DOCK10: variants seen among roughly 807,000 people sequenced by gnomAD.
DOCK10 encodes dedicator of cytokinesis protein 10.
DOCK10 carries 145 observed loss-of-function variants against 280.1 expected under a neutral mutation model. The observed-to-expected ratio is 0.52, with a 90% CI of 0.45 to 0.59. The LOEUF is 0.59. Ranked by LOEUF, DOCK10 falls within the 20% of genes least tolerant of loss-of-function variation. The pLI is 0.00. For missense variants in DOCK10, 2,368 were observed against 2,651.7 expected (o/e 0.89, Z 2.35); for synonymous variants, 915 against 942.2 (o/e 0.97, Z 0.53).
In DOCK10 at chr2:224,800,206, G is replaced by A. The variant is rs748078043; in HGVS notation, c.4451C>T (p.Thr1484Met). 2.7e-5 allele frequency: 43 copies of A among 1,612,194 alleles called. No homozygotes were observed. The highest frequency in any genetic ancestry group is 8.0e-5 in the African/African-American group (6 of 74,868). Residue 1484 changes from threonine to methionine, a missense_variant, in exon 41 of 56, where the codon ACG (threonine) becomes ATG (methionine). By Grantham distance (81) the Thr-to-Met change is moderately conservative. Coordinates refer to ENST00000258390, the MANE Select transcript of DOCK10 (RefSeq NM_014689.3). ...GTCCAGAATAGTGAGGCAAACCTCC[G>A]TAGCTATATTGGCCTCAGTGTCTAC... ...HHVDTEANIA[T>M]EVCLTILDLL... is the part of the protein sequence containing the mutation.
At chr2:224,992,712 G>T (rs1365628707) in intron 1 of DOCK10, among the ~76,000 whole-genome samples, 1 of 152,224 alleles carries the variant, frequency 6.6e-6, no homozygotes, top group Non-Finnish European at 1.5e-5. Flanking sequence ...GTGTGAAGAG[G>T]TGGGGAAAGC....
chr2:224,981,236 G>A (rs56726760), intron 1 of DOCK10, among the ~76,000 whole-genome samples: 6,771 of 152,068 alleles, frequency 0.045, 493 homozygotes, highest in African/African-American at 0.15. Flanking sequence ...ATTGCTTTTT[G>A]AAAATAAAAT....
At chr2:225,033,246 G>C (rs1690132718) in intron 1 of DOCK10, among the ~76,000 whole-genome samples, 1 of 151,706 alleles carries the variant, frequency 6.6e-6, no homozygotes, top group African/African-American at 2.4e-5. Flanking sequence ...GCAGTGGCAT[G>C]ATCTCAGCTC....
chr2:224,943,965 G>A (rs767641912), intron 1 of DOCK10, among the ~76,000 whole-genome samples: 12 of 152,014 alleles, frequency 7.9e-5, no homozygotes, highest in African/African-American at 2.7e-4. Context: ...GGGTTTCACC[G>A]TGTTAGTCAG....
At chr2:224,810,488 T>TTTA (rs982509392) in intron 31 of DOCK10, among the ~76,000 whole-genome samples, 2 of 152,022 alleles carry the variant, frequency 1.3e-5, no homozygotes, top group Non-Finnish European at 2.9e-5. Context: ...TTTTTTAAAT[T>TTTA]TTATTATTAT....
chr2:224,945,650 A>T (rs1339287930), intron 1 of DOCK10, among the ~76,000 whole-genome samples: 2 of 151,954 alleles, frequency 1.3e-5, no homozygotes, highest in Non-Finnish European at 2.9e-5. Context: ...TCATATTTAT[A>T]AAGAGCCTAT....
intron 14 of DOCK10, chr2:224,860,736 G>C (rs1697448756): frequency 4.6e-5 from 7 of 151,968 alleles, no homozygotes; most frequent in Admixed American, 4.6e-4. Context: ...ACCACCCTTG[G>C]TTAATTTTTT....
chr2:224,878,538 C>T (rs552188178), intron 7 of DOCK10, among the ~76,000 whole-genome samples: 18 of 152,310 alleles, frequency 1.2e-4, no homozygotes, highest in Admixed American at 2.6e-4. Context: ...GACATTGCCC[C>T]GGCACAACAA....
chr2:224,783,750 C>T (rs1299318327), intron 50 of DOCK10, among the ~76,000 whole-genome samples: 1 of 149,856 alleles, frequency 6.7e-6, no homozygotes, highest in Non-Finnish European at 1.5e-5. Flanking sequence ...CAGGGGTTTT[C>T]AAGTATTCTT....
At chr2:225,001,321 G>A (rs549352485) in intron 1 of DOCK10, among the ~76,000 whole-genome samples, 32 of 135,616 alleles carry the variant, frequency 2.4e-4, no homozygotes, top group African/African-American at 8.4e-4. Flanking sequence ...ACGGAGTCTC[G>A]CTCTGCCACC....
chr2:224,809,398 T>C (rs1320523450), intron 31 of DOCK10, among the ~76,000 whole-genome samples: 2 of 151,942 alleles, frequency 1.3e-5, no homozygotes, highest in Non-Finnish European at 2.9e-5. Context: ...ATCAACAAAA[T>C]GAAAAAGCAA....
chr2:225,035,576 A>AT (rs1475508830), intron 1 of DOCK10, among the ~76,000 whole-genome samples: 1 of 97,054 alleles, frequency 1.0e-5, no homozygotes, highest in Admixed American at 1.0e-4. Flanking sequence ...ATATATATAT[A>AT]TATATATATA....
In DOCK10 at chr2:224,855,710, C is replaced by T. The variant is rs898623094; in HGVS notation, c.1809-668G>A. ...TAAAGTGGAAGCTGCTGGTAACAGT[C>T]GCAAGTGTTATCCTTCTCAGGAAAT... On this transcript the variant is annotated intron_variant, in intron 15 of 55. Transcript: ENST00000258390. 5.5e-4 allele frequency among the ~76,000 whole-genome samples: 84 copies of T among 152,264 alleles called. 1 individual carries two copies. Among genetic ancestry groups the T allele is most frequent in the African/African-American group, 1.9e-3 (80 of 41,558 alleles).
At chr2:224,816,333 A>G (rs145671826) in intron 30 of DOCK10, among the ~76,000 whole-genome samples, 430 of 151,882 alleles carry the variant, frequency 2.8e-3, no homozygotes, top group African/African-American at 0.01. Context: ...GGTTCAAATT[A>G]TTTGATTAAC....
intron 1 of DOCK10, among the ~76,000 whole-genome samples, chr2:225,020,090 A>G (rs191854574): frequency 6.6e-6 from 1 of 152,306 alleles, no homozygotes; most frequent in African/African-American, 2.4e-5. Context: ...GAGTTTTCAT[A>G]ACTTGAAACT....
chr2:224,960,800 C>T (rs577924605), intron 1 of DOCK10, among the ~76,000 whole-genome samples: 101 of 121,946 alleles, frequency 8.3e-4, no homozygotes, highest in South Asian at 2.0e-3. Context: ...AGTGCAGTGG[C>T]GCTATCTCGA....
chr2:224,804,327 A>G (rs1035270406), intron 38 of DOCK10, 114 bp from the exon 39 acceptor site: 2 of 604,244 alleles, frequency 3.3e-6, no homozygotes, highest in African/African-American at 1.9e-5. Context: ...CATGCTGTGA[A>G]TTAATCAAAA....
At chr2:224,834,043 C>A in intron 26 of DOCK10, 107 bp downstream of exon 26, 1 of 671,912 alleles carries the variant, frequency 1.5e-6, no homozygotes, top group Non-Finnish European at 2.6e-6. Context: ...ATGCTGGAAA[C>A]TGCAAGAGAA....
At chr2:224,948,198 T>C (rs1419726987) in intron 1 of DOCK10, among the ~76,000 whole-genome samples, 1 of 152,238 alleles carries the variant, frequency 6.6e-6, no homozygotes, top group Non-Finnish European at 1.5e-5. Flanking sequence ...GTCTCTACTT[T>C]GTCATGCAGT....
Sources: allele counts gnomAD v4.1 joint callset (sites outside exome capture counted in the v4.1 genomes callset), GRCh38; gene constraint gnomAD v4.1.1; transcripts MANE v1.5; gene names NCBI Gene and HGNC (gene_info 2026-07-23, HGNC 2026-07-21).